The following GTPBP10 variants were observed in gnomAD, a reference collection of about 807,000 sequenced individuals.
The protein encoded by GTPBP10 is GTP binding protein 10.
In GTPBP10, 38 loss-of-function variants were observed where a neutral mutation model predicts 44.8. That is an observed-to-expected ratio of 0.85 (90% CI 0.65 to 1.11). GTPBP10 has a LOEUF of 1.11. Ranked by LOEUF, GTPBP10 falls within the 50% of genes most tolerant of loss-of-function variation. GTPBP10 has a pLI of 0.00. For missense variants in GTPBP10, 462 were observed against 453.7 expected (o/e 1.02, Z -0.17); for synonymous variants, 152 against 150.6 (o/e 1.01, Z -0.07).
intron 1 of GTPBP10, among the ~76,000 whole-genome samples, chr7:90,350,499 CCTT>C (rs1470130459): frequency 2.6e-5 from 4 of 151,968 alleles, no homozygotes; most frequent in East Asian, 1.9e-4. Context: ...AGTCAAACCT[CCTT>C]CTAAAATTAT....
At chr7:90,383,395 T>C (rs1796465776) in intron 9 of GTPBP10, among the ~76,000 whole-genome samples, 1 of 152,220 alleles carries the variant, frequency 6.6e-6, no homozygotes, top group Admixed American at 6.5e-5. Context: ...AGTCAGCATC[T>C]ACCTGTGAAG....
At chr7:90,362,121 T>A (rs1796035379) in intron 4 of GTPBP10, among the ~76,000 whole-genome samples, 1 of 152,034 alleles carries the variant, frequency 6.6e-6, no homozygotes, top group Admixed American at 6.6e-5. Context: ...GTTTTTTGTG[T>A]CTCTATTTCC....
intron 4 of GTPBP10, among the ~76,000 whole-genome samples, chr7:90,360,808 AT>A (rs1462247555): frequency 3.9e-5 from 6 of 151,930 alleles, no homozygotes; most frequent in Admixed American, 6.6e-5. Flanking sequence ...GTCCTCTTTT[AT>A]TTCGTTGAGC....
chr7:90,373,357 T>C lies in GTPBP10; in HGVS notation c.539-945T>C, dbSNP rs115049609. 2.9e-3 allele frequency among the ~76,000 whole-genome samples: 440 copies of C among 152,316 alleles called. 3 individuals are homozygous for C. The highest frequency in any genetic ancestry group is 9.9e-3 in the African/African-American group (413 of 41,570). On this transcript the variant is annotated intron_variant, in intron 5 of 9. Coordinates refer to ENST00000222511, the MANE Select transcript of GTPBP10 (RefSeq NM_033107.4). ...TGAAGGGTCTGAGACAACCAGTTAG[T>C]AGGCTCTTGTGGTAGCTAGATGAGA... is the stretch of plus-strand genomic sequence containing the variant.
Position 90,383,085 on chromosome 7 carries a change from C to A in GTPBP10, c.901+6C>A. Reference sequence around the variant, plus strand: ...CCAGCTCCAGAATCCTAAAGGTAAACCTATTTATTCATTTAATTCTAATTT... The same window carrying A: ...CCAGCTCCAGAATCCTAAAGGTAAAACTATTTATTCATTTAATTCTAATTT... On this transcript the variant is annotated splice_donor_region_variant and intron_variant, in intron 9 of 9. Coordinates refer to ENST00000222511, the MANE Select transcript of GTPBP10 (RefSeq NM_033107.4). The A allele has an allele frequency of 1.3e-6, 2 of 1,531,846 alleles. No homozygotes were observed. The highest frequency in any genetic ancestry group is 1.8e-6 in the Non-Finnish European group (2 of 1,131,760). The allele number at this position is 1,531,846 out of a possible 1,614,324, so 94.9% of individuals were successfully genotyped here. A position where few individuals can be genotyped will look rare whatever the true frequency, so the allele number is the denominator to read the frequency against.
chr7:90,362,833 T>C (rs554845669), intron 4 of GTPBP10, among the ~76,000 whole-genome samples: 2 of 152,366 alleles, frequency 1.3e-5, no homozygotes, highest in East Asian at 3.9e-4. Flanking sequence ...TGTGTGCATA[T>C]GTATTTAGGA....
intron 4 of GTPBP10, among the ~76,000 whole-genome samples, chr7:90,360,898 A>G (rs174065): frequency 1.3e-5 from 2 of 152,032 alleles, no homozygotes; most frequent in Non-Finnish European, 2.9e-5. Flanking sequence ...CTTTGAAGCA[A>G]TTGTGAATGG....
At chr7:90,377,665 A>T (rs377510450) in intron 7 of GTPBP10, 51 bp downstream of exon 7, 27 of 1,263,192 alleles carry the variant, frequency 2.1e-5, no homozygotes, top group Non-Finnish European at 2.6e-5. Context: ...AAAACCAGTG[A>T]ATTTAGTTTT....
rs536573960 is a variant in GTPBP10 at position 90,358,823 on chromosome 7, A to G, written c.464+3593A>G. On this transcript the variant is annotated intron_variant, in intron 4 of 9. Transcript: ENST00000222511. ...ATCAACAGAGTAAACAGCCTACAGA[A>G]TGGGAGAAAGTATTTGCAAACTACG... Among the ~76,000 whole-genome samples the G allele has an allele frequency of 4.1e-4, 63 of 152,320 alleles. No individual in the cohort carries two copies. In the South Asian group the frequency reaches 0.013, roughly 31 times the overall value.
intron 4 of GTPBP10, among the ~76,000 whole-genome samples, chr7:90,357,815 G>T (rs1184024372): frequency 6.6e-6 from 1 of 152,118 alleles, no homozygotes; most frequent in East Asian, 1.9e-4. Flanking sequence ...GGCCTTTCTT[G>T]AGGGAAATTT....
chr7:90,378,964 G>T (rs1341961100), intron 8 of GTPBP10, among the ~76,000 whole-genome samples: 1 of 152,138 alleles, frequency 6.6e-6, no homozygotes, highest in African/African-American at 2.4e-5. Flanking sequence ...TGGCCTCCCA[G>T]AGTGTTGGGA....
rs189100492 is a variant in GTPBP10, at chr7:90,359,462, G to A, written c.464+4232G>A. 8.3e-3 allele frequency among the ~76,000 whole-genome samples: 1,263 copies of A among 152,238 alleles called. 15 individuals carry two copies. Among genetic ancestry groups the A allele is most frequent in the African/African-American group, 0.029 (1,187 of 41,540 alleles). On this transcript the variant is annotated intron_variant, in intron 4 of 9. Transcript: ENST00000222511. ...CAGCTTCATCCATGTCCCTGCAAAG[G>A]ACATGAACTCATCTTTTTTTATGGC...
rs1796560301 is a variant in GTPBP10, at chr7:90,388,307, C to A, written c.*3153C>A. The A allele has an allele frequency of 3.3e-5, 5 of 152,116 alleles. No homozygotes were observed. Among genetic ancestry groups the A allele is most frequent in the Admixed American group, 2.0e-4 (3 of 15,268 alleles). The allele number at this position is 152,116 out of a possible 1,614,324, so 9.4% of individuals were successfully genotyped here. A position where few individuals can be genotyped will look rare whatever the true frequency, so the allele number is the denominator to read the frequency against. ...AGTAAGACTTTTCATTTTTACCTTT[C>A]AAAATGCAATTTTCAAAATATATGC... On this transcript the variant is annotated 3_prime_UTR_variant, in exon 10 of 10. Transcript: ENST00000222511.
intron 4 of GTPBP10, among the ~76,000 whole-genome samples, chr7:90,358,911 T>C (rs1795957481): frequency 6.6e-6 from 1 of 151,926 alleles, no homozygotes; most frequent in African/African-American, 2.4e-5. Context: ...GAAAAAACAA[T>C]TCCGTTAAAA....
chr7:90,372,102 A>T, intron 4 of GTPBP10, 53 bp from the exon 5 acceptor site: 1 of 1,062,684 alleles, frequency 9.4e-7, no homozygotes, highest in Non-Finnish European at 1.4e-6. Flanking sequence ...ATTGTTAGGA[A>T]TTCAGAGATA....
At chr7:90,357,234 A>G (rs1795921284) in intron 4 of GTPBP10, among the ~76,000 whole-genome samples, 1 of 152,304 alleles carries the variant, frequency 6.6e-6, no homozygotes, top group South Asian at 2.1e-4. Flanking sequence ...AGTCATTAGC[A>G]TCATCTTTCT....
chr7:90,356,485 G>A (rs1330951247), intron 4 of GTPBP10, among the ~76,000 whole-genome samples: 2 of 152,186 alleles, frequency 1.3e-5, no homozygotes. Flanking sequence ...TACAGTCTAA[G>A]AGGAGCCTAG....
At chr7:90,357,018 C>T (rs2115635608) in intron 4 of GTPBP10, among the ~76,000 whole-genome samples, 1 of 152,258 alleles carries the variant, frequency 6.6e-6, no homozygotes, top group South Asian at 2.1e-4. Context: ...GGCAACTATT[C>T]TTGAAGAGTT....
At chr7:90,350,516 A>T (rs1795770608) in intron 1 of GTPBP10, among the ~76,000 whole-genome samples, 1 of 152,210 alleles carries the variant, frequency 6.6e-6, no homozygotes, top group South Asian at 2.1e-4. Flanking sequence ...AAATTATCAA[A>T]TCATCCTTTG....
Sources: gnomAD v4.1 joint callset for allele counts (sites outside exome capture counted in the v4.1 genomes callset) on GRCh38, gnomAD v4.1.1 for gene constraint, MANE v1.5 for transcripts, NCBI Gene and HGNC (gene_info 2026-07-23, HGNC 2026-07-21) for gene names.